The following ADGRL3 variants were observed in gnomAD, a reference collection of about 807,000 sequenced individuals.
The protein encoded by ADGRL3 is adhesion G protein-coupled receptor L3.
Under a neutral mutation model 153.5 loss-of-function variants are expected in ADGRL3, and 62 were observed. The observed-to-expected ratio is 0.40, with a 90% CI of 0.33 to 0.50. The LOEUF (loss-of-function observed/expected upper bound fraction) is 0.50. Ranked by LOEUF, ADGRL3 falls within the 20% of genes least tolerant of loss-of-function variation. The pLI is 0.47. For synonymous variants in ADGRL3, 710 were observed against 672.5 expected, an observed-to-expected ratio of 1.06 and a Z score of -0.86; for missense variants, 1,641 against 1,859.4, an observed-to-expected ratio of 0.88 and a Z score of 2.16.
intron 9 of ADGRL3, among the ~76,000 whole-genome samples, chr4:61,820,259 T>A (rs1308842385): frequency 6.6e-6 from 1 of 152,192 alleles, no homozygotes; most frequent in African/African-American, 2.4e-5. Flanking sequence ...GAGATTCTGT[T>A]CTTTAAATCT....
At chr4:61,204,266 T>G (rs1736127327) in intron 1 of ADGRL3, among the ~76,000 whole-genome samples, 2 of 152,202 alleles carry the variant, frequency 1.3e-5, no homozygotes, top group South Asian at 2.1e-4. Context: ...TTATGAGAGA[T>G]ATTGCTAATG....
At chr4:62,035,223 A>G (rs963604285) in intron 23 of ADGRL3, among the ~76,000 whole-genome samples, 2 of 152,138 alleles carry the variant, frequency 1.3e-5, no homozygotes, top group South Asian at 4.1e-4. Flanking sequence ...TGGCATCACC[A>G]AATATCTTGA....
At chr4:61,855,839 C>T (rs1022041125) in intron 9 of ADGRL3, among the ~76,000 whole-genome samples, 4 of 151,498 alleles carry the variant, frequency 2.6e-5, no homozygotes, top group African/African-American at 4.9e-5. Flanking sequence ...AACCTAGTCC[C>T]GAATTTTGAG....
At chr4:61,889,534 A>G (rs1387039863) in intron 9 of ADGRL3, among the ~76,000 whole-genome samples, 1 of 152,198 alleles carries the variant, frequency 6.6e-6, no homozygotes, top group African/African-American at 2.4e-5. Context: ...TTATACCCTA[A>G]GAGTATCTCT....
chr4:61,710,802 A>G (rs1039415601), intron 6 of ADGRL3, among the ~76,000 whole-genome samples: 1 of 152,164 alleles, frequency 6.6e-6, no homozygotes, highest in Admixed American at 6.6e-5. Context: ...CAACACTCTA[A>G]TATACTTGTC....
chr4:61,686,573 G>A (rs946189227), intron 6 of ADGRL3, among the ~76,000 whole-genome samples: 25 of 151,974 alleles, frequency 1.6e-4, no homozygotes, highest in African/African-American at 4.8e-4. Context: ...ACACCTATAC[G>A]TTGTGTAATG....
chr4:61,382,666 G>C (rs1001265103), intron 1 of ADGRL3, among the ~76,000 whole-genome samples: 1 of 151,454 alleles, frequency 6.6e-6, no homozygotes, highest in Non-Finnish European at 1.5e-5. Flanking sequence ...CATAAATAAG[G>C]GTGTGTGTAT....
chr4:61,681,753 A>G (rs2095341139), intron 6 of ADGRL3, among the ~76,000 whole-genome samples: 1 of 152,156 alleles, frequency 6.6e-6, no homozygotes, highest in Non-Finnish European at 1.5e-5. Flanking sequence ...CATTTTTGCA[A>G]CTAATGTCCA....
intron 8 of ADGRL3, among the ~76,000 whole-genome samples, chr4:61,757,059 A>G (rs1468167205): frequency 3.9e-5 from 6 of 152,196 alleles, no homozygotes; most frequent in Non-Finnish European, 8.8e-5. Flanking sequence ...GATGTTCATC[A>G]GAGATATTGG....
chr4:61,578,664 G>A (rs1174536323), intron 4 of ADGRL3, among the ~76,000 whole-genome samples: 5 of 151,880 alleles, frequency 3.3e-5, no homozygotes. Context: ...TCATTGCTCA[G>A]ATTTTTTGCC....
intron 17 of ADGRL3, among the ~76,000 whole-genome samples, chr4:61,957,322 T>C (rs2098970962): frequency 6.6e-6 from 1 of 152,158 alleles, no homozygotes; most frequent in Non-Finnish European, 1.5e-5. Flanking sequence ...CCATTCACGA[T>C]TTGGCTCTCT....
chr4:61,767,836 G>A (rs1403992946), intron 8 of ADGRL3, among the ~76,000 whole-genome samples: 2 of 152,118 alleles, frequency 1.3e-5, no homozygotes, highest in East Asian at 3.9e-4. Context: ...CTGGAGATGT[G>A]GCTGAGGTTT....
intron 4 of ADGRL3, among the ~76,000 whole-genome samples, chr4:61,572,322 C>T (rs536632003): frequency 2.6e-5 from 4 of 152,044 alleles, no homozygotes; most frequent in African/African-American, 9.7e-5. Flanking sequence ...TAACTTTTAG[C>T]AAATACTTTG....
At chr4:61,641,220 G>C (rs1300622428) in intron 5 of ADGRL3, among the ~76,000 whole-genome samples, 1 of 151,926 alleles carries the variant, frequency 6.6e-6, no homozygotes. Flanking sequence ...ATGATGTGAT[G>C]CCTACTTGGC....
chr4:61,450,136 G>A (rs1482132514), intron 2 of ADGRL3, among the ~76,000 whole-genome samples: 2 of 152,110 alleles, frequency 1.3e-5, no homozygotes, highest in Non-Finnish European at 2.9e-5. Context: ...ACCAAAGGTG[G>A]CTCTGAAGAG....
intron 9 of ADGRL3, among the ~76,000 whole-genome samples, chr4:61,874,415 C>T (rs899644158): frequency 2.0e-5 from 3 of 152,114 alleles, no homozygotes; most frequent in Admixed American, 6.5e-5. Context: ...AATGTAATCA[C>T]GTGCACATAA....
At chr4:61,368,828 C>A (rs1358753239) in intron 1 of ADGRL3, among the ~76,000 whole-genome samples, 1 of 152,132 alleles carries the variant, frequency 6.6e-6, no homozygotes, top group Non-Finnish European at 1.5e-5. Flanking sequence ...GCAGTATGGC[C>A]ATTTTCACAA....
chr4:61,319,270 A>G (rs1560468455), intron 1 of ADGRL3, among the ~76,000 whole-genome samples: 1 of 152,172 alleles, frequency 6.6e-6, no homozygotes, highest in Non-Finnish European at 1.5e-5. Context: ...CTGGAGAAAG[A>G]AAATTTCAGT....
chr4:61,996,548 G>A (rs1291362771), intron 20 of ADGRL3, among the ~76,000 whole-genome samples, 191 bp downstream of exon 20: 2 of 152,154 alleles, frequency 1.3e-5, no homozygotes, highest in Non-Finnish European at 2.9e-5. Flanking sequence ...ATCAAAACAG[G>A]TGGGAGAAGA....
Sources: gnomAD v4.1 joint callset for allele counts (sites outside exome capture counted in the v4.1 genomes callset) on GRCh38, gnomAD v4.1.1 for gene constraint, MANE v1.5 for transcripts, NCBI Gene and HGNC (gene_info 2026-07-23, HGNC 2026-07-21) for gene names.